Variants in PKNOX2 observed in about 807,000 individuals in gnomAD.
PKNOX2 encodes homeobox protein PKNOX2.
PKNOX2 carries 14 observed loss-of-function variants against 53.1 expected under a neutral mutation model. The observed-to-expected ratio is 0.26, with a 90% confidence interval of 0.17 to 0.41. PKNOX2 has a LOEUF of 0.41. PKNOX2 is among the 10% of genes least tolerant of loss of function. PKNOX2 has a pLI of 1.00. For synonymous variants in PKNOX2, 257 were observed against 242.8 expected (o/e 1.06, Z -0.54); for missense variants, 496 against 602.8 (o/e 0.82, Z 1.85).
chr11:125,182,198 C>A (rs1956193152), intron 1 of PKNOX2, among the ~76,000 whole-genome samples: 1 of 152,178 alleles, frequency 6.6e-6, no homozygotes, highest in Non-Finnish European at 1.5e-5. Context: ...GACTTTCACA[C>A]TGAAAGTCTG....
intron 2 of PKNOX2, among the ~76,000 whole-genome samples, chr11:125,303,521 G>A (rs1453980515): frequency 6.6e-6 from 1 of 152,074 alleles, no homozygotes; most frequent in Non-Finnish European, 1.5e-5. Flanking sequence ...GCGCTGCCTG[G>A]GCCTCTTTCC....
chr11:125,362,527 A>T (rs1320479847), intron 4 of PKNOX2, among the ~76,000 whole-genome samples: 2 of 151,922 alleles, frequency 1.3e-5, no homozygotes, highest in African/African-American at 2.4e-5. Flanking sequence ...GCACCACCGC[A>T]TCCAGCCAAT....
In PKNOX2 at chr11:125,383,939, C is replaced by CA. The variant is rs562802937; in HGVS notation, c.228-1604dup. Among the ~76,000 whole-genome samples, 272 of 151,384 alleles carry CA rather than the reference C, an allele frequency of 1.8e-3. 1 individual carries two copies. The highest frequency in any genetic ancestry group is 0.01 in the South Asian group (50 of 4,766). Reference sequence around the variant, plus strand: ...CAGCAAATGGGACTACATCAAAAAACAAAAAAAACAAAACAAAACAAAACA... The same window carrying CA: ...CAGCAAATGGGACTACATCAAAAAACAAAAAAAAACAAAACAAAACAAAACA... On this transcript the variant is annotated intron_variant, in intron 5 of 12. Coordinates refer to ENST00000298282, the MANE Select transcript of PKNOX2 (RefSeq NM_001382323.2).
intron 1 of PKNOX2, among the ~76,000 whole-genome samples, chr11:125,193,579 T>A (rs931890168): frequency 6.6e-6 from 1 of 152,234 alleles, no homozygotes; most frequent in African/African-American, 2.4e-5. Context: ...ACAGAGCCAC[T>A]CTTCCTATTA....
chr11:125,195,353 A>G (rs1044417505), intron 1 of PKNOX2, among the ~76,000 whole-genome samples: 7 of 152,154 alleles, frequency 4.6e-5, no homozygotes, highest in African/African-American at 1.4e-4. Context: ...TCAGTTCATA[A>G]TCTTTTAAGT....
At chr11:125,169,924 G>C (rs1471180049) in intron 1 of PKNOX2, among the ~76,000 whole-genome samples, 1 of 152,230 alleles carries the variant, frequency 6.6e-6, no homozygotes, top group Non-Finnish European at 1.5e-5. Context: ...CTGAGTTGGG[G>C]GATCCAGCCC....
In PKNOX2 at chr11:125,166,410, G is replaced by A. The variant is rs754470392; in HGVS notation, c.-201+1634G>A. 2.6e-5 allele frequency among the ~76,000 whole-genome samples: 4 copies of A among 152,224 alleles called. No homozygotes were observed. The highest frequency in any genetic ancestry group is 5.9e-5 in the Non-Finnish European group (4 of 68,032). ...AGGAGGAGAGGACTTGGGCCACACA[G>A]GACCCGGTCCTAAGAGAGCGATTCC... On this transcript the variant is annotated intron_variant, in intron 1 of 12. Transcript: ENST00000298282. This position sits in a 1 kb window ranked among gnomAD's most constrained non-coding sequence, Gnocchi z 4.0.
At chr11:125,188,050 C>A (rs574892916) in intron 1 of PKNOX2, 10 of 152,196 alleles carry the variant, frequency 6.6e-5, no homozygotes, top group African/African-American at 2.4e-4. Context: ...ACTTTTATTA[C>A]CTCATTTGAT....
intron 2 of PKNOX2, chr11:125,239,568 CT>C (rs1261178071): frequency 2.0e-5 from 3 of 152,224 alleles, no homozygotes; most frequent in Admixed American, 6.5e-5. Context: ...TTCCCATTAC[CT>C]TTGTGAAAGG....
intron 1 of PKNOX2, among the ~76,000 whole-genome samples, chr11:125,220,146 G>C (rs1273722220): frequency 6.6e-6 from 1 of 151,646 alleles, no homozygotes; most frequent in African/African-American, 2.4e-5. Context: ...AACCCACCAA[G>C]TTTAAAAAAA....
At chr11:125,169,832 G>C (rs1955149831) in intron 1 of PKNOX2, among the ~76,000 whole-genome samples, 1 of 152,174 alleles carries the variant, frequency 6.6e-6, no homozygotes, top group Non-Finnish European at 1.5e-5. Flanking sequence ...CTGAATTCCT[G>C]CCTTGCATTA....
intron 1 of PKNOX2, among the ~76,000 whole-genome samples, chr11:125,199,804 A>G (rs1938220977): frequency 6.6e-6 from 1 of 152,190 alleles, no homozygotes; most frequent in Non-Finnish European, 1.5e-5. Flanking sequence ...CCGAGATTGC[A>G]CCACTTCACT....
chr11:125,323,855 T>TTGTGTGTGTGTGTG (rs57415781), intron 2 of PKNOX2, among the ~76,000 whole-genome samples: 40 of 149,892 alleles, frequency 2.7e-4, no homozygotes, highest in African/African-American at 9.7e-4. Context: ...GTTTCTGGGG[T>TTGTGTGTGTGTGTG]TGTGTGTGTG....
chr11:125,394,357 C>A (rs574553259), intron 6 of PKNOX2, among the ~76,000 whole-genome samples: 1 of 152,178 alleles, frequency 6.6e-6, no homozygotes, highest in Admixed American at 6.5e-5. Flanking sequence ...AGTCTCAGCC[C>A]CACAGAGGTG....
At position 125,240,540 on chromosome 11, in the gene PKNOX2, C is replaced by A. The variant is rs1943069730; in HGVS notation, c.-130+5425C>A. Among the ~76,000 whole-genome samples the A allele has an allele frequency of 6.6e-6, 1 of 152,080 alleles. No individual in the cohort carries two copies. Among genetic ancestry groups the A allele is most frequent in the Admixed American group, 6.5e-5 (1 of 15,274 alleles). On this transcript the variant is annotated intron_variant, in intron 2 of 12. Coordinates refer to ENST00000298282, the MANE Select transcript of PKNOX2 (RefSeq NM_001382323.2). The surrounding 1 kb of genome is among the most constrained non-coding windows in gnomAD (Gnocchi z 4.3). ...TGCAAGCAGGGCAAGAGGCTTTGAGCAGAGTTTGGAAGCTGCAAGGTGGCT... is the reference window on the plus strand; with the variant it reads ...TGCAAGCAGGGCAAGAGGCTTTGAGAAGAGTTTGGAAGCTGCAAGGTGGCT...
intron 4 of PKNOX2, among the ~76,000 whole-genome samples, chr11:125,358,979 G>A (rs1001856841): frequency 1.4e-4 from 22 of 152,322 alleles, no homozygotes; most frequent in African/African-American, 5.1e-4. Context: ...GGGGAGGGAG[G>A]AGAAGCAGGA....
At chr11:125,210,887 G>T (rs570386230) in intron 1 of PKNOX2, among the ~76,000 whole-genome samples, 1 of 152,074 alleles carries the variant, frequency 6.6e-6, no homozygotes, top group East Asian at 1.9e-4. Flanking sequence ...AGTGGCTTCC[G>T]GATCTGGGTT....
intron 2 of PKNOX2, among the ~76,000 whole-genome samples, chr11:125,328,525 G>C (rs1208970784): frequency 6.6e-6 from 1 of 152,170 alleles, no homozygotes; most frequent in Non-Finnish European, 1.5e-5. Context: ...AGGGCAGGAA[G>C]GAGTAGTAAA....
chr11:125,340,518 C>T (rs955228884), intron 3 of PKNOX2, among the ~76,000 whole-genome samples: 3 of 152,144 alleles, frequency 2.0e-5, no homozygotes, highest in Non-Finnish European at 2.9e-5. Context: ...TGGGAACAAC[C>T]GTAATGCCGA....
Sources: allele counts gnomAD v4.1 joint callset (sites outside exome capture counted in the v4.1 genomes callset), GRCh38; gene constraint gnomAD v4.1.1; non-coding constraint Gnocchi (gnomAD v3.1); transcripts MANE v1.5; gene names NCBI Gene and HGNC (gene_info 2026-07-23, HGNC 2026-07-21).